The following SNX25 variants were observed in gnomAD, a reference collection of about 807,000 sequenced individuals.
SNX25 encodes sorting nexin-25.
In SNX25, 62 loss-of-function variants were observed where a neutral mutation model predicts 113.7. That is an observed-to-expected ratio of 0.55 (90% CI 0.44 to 0.67). The LOEUF (loss-of-function observed/expected upper bound fraction) is 0.67. Among genes scored for constraint, SNX25 ranks in the 30% least tolerant of loss-of-function variants. The pLI, the probability that SNX25 is intolerant of heterozygous loss-of-function variation, is 0.00. For synonymous variants in SNX25, 421 were observed against 436.2 expected, an observed-to-expected ratio of 0.97 and a Z score of 0.43; for missense variants, 1,014 against 1,161.0, an observed-to-expected ratio of 0.87 and a Z score of 1.84.
intron 14 of SNX25, among the ~76,000 whole-genome samples, chr4:185,352,057 C>T (rs2095318180): frequency 2.0e-5 from 3 of 152,120 alleles, no homozygotes; most frequent in Admixed American, 6.5e-5. Flanking sequence ...AAGGTTCACG[C>T]CAGGCTGAGA....
At chr4:185,377,016 A>G in the SNX25 span, 12 of 1,604,448 alleles carry the variant, frequency 7.5e-6, no homozygotes, top group Non-Finnish European at 7.7e-6. Context: ...GCATGGGTGT[A>G]ATCTGATTTT....
intron 6 of SNX25, among the ~76,000 whole-genome samples, chr4:185,298,288 C>A (rs1753130661): frequency 1.3e-5 from 2 of 151,910 alleles, no homozygotes; most frequent in Non-Finnish European, 2.9e-5. Flanking sequence ...GAGGTTTTGC[C>A]ATGTTGGCCA....
At chr4:185,373,440 T>G (rs1221734684), downstream of SNX25, among the ~76,000 whole-genome samples, 1 of 152,160 alleles carries the variant, frequency 6.6e-6, no homozygotes, top group Non-Finnish European at 1.5e-5. Flanking sequence ...GGGAAACCAC[T>G]GATGCTAAGG....
intron 6 of SNX25, among the ~76,000 whole-genome samples, chr4:185,307,021 C>T (rs556036442): frequency 1.3e-5 from 2 of 152,302 alleles, no homozygotes; most frequent in African/African-American, 2.4e-5. Flanking sequence ...TCTGATAATA[C>T]CTGACAGATC....
downstream of SNX25, among the ~76,000 whole-genome samples, chr4:185,371,358 T>C (rs28637604): frequency 0.15 from 22,291 of 151,664 alleles, 1,832 homozygotes; most frequent in African/African-American, 0.22. Flanking sequence ...GCTAACATGG[T>C]GAAACCCCGT....
intron 7 of SNX25, among the ~76,000 whole-genome samples, chr4:185,317,026 C>T (rs1007888520): frequency 9.2e-5 from 14 of 152,088 alleles, no homozygotes; most frequent in South Asian, 2.1e-4. Flanking sequence ...TAGAAAATGC[C>T]TTCCCTGGCA....
chr4:185,330,457 C>T (rs994987370), intron 9 of SNX25, among the ~76,000 whole-genome samples: 5 of 152,138 alleles, frequency 3.3e-5, no homozygotes, highest in East Asian at 3.9e-4. Flanking sequence ...TTTAAAATGG[C>T]GGTGCTTGTC....
At chr4:185,253,756 A>ACCATG (rs1178065228) in intron 2 of SNX25, among the ~76,000 whole-genome samples, 1 of 152,238 alleles carries the variant, frequency 6.6e-6, no homozygotes, top group Non-Finnish European at 1.5e-5. Context: ...GGCGTGAGCC[A>ACCATG]CCATGCCCAG....
intron 1 of SNX25, among the ~76,000 whole-genome samples, chr4:185,211,511 A>T (rs927564953): frequency 6.6e-6 from 1 of 152,130 alleles, no homozygotes; most frequent in African/African-American, 2.4e-5. Context: ...AGATTTTACT[A>T]GTTTGTTTGT....
chr4:185,357,349 T>C (rs533982120), intron 15 of SNX25, among the ~76,000 whole-genome samples: 1 of 152,280 alleles, frequency 6.6e-6, no homozygotes, highest in South Asian at 2.1e-4. Flanking sequence ...GGAATTACAC[T>C]GTGTGGTGGT....
chr4:185,271,630 T>C (rs1383890641), intron 5 of SNX25, among the ~76,000 whole-genome samples: 1 of 152,260 alleles, frequency 6.6e-6, no homozygotes, highest in Non-Finnish European at 1.5e-5. Context: ...TCTGACTTTA[T>C]TGGTGTTTTA....
intron 2 of SNX25, among the ~76,000 whole-genome samples, chr4:185,247,831 G>A (rs565489465): frequency 1.3e-5 from 2 of 152,150 alleles, no homozygotes; most frequent in African/African-American, 2.4e-5. Context: ...GCAGAAGCAG[G>A]GTGGTGGAAG....
Position 185,223,204 on chromosome 4 carries a change from T to G in SNX25, c.429+12949T>G, listed in dbSNP as rs147627411. On this transcript the variant is annotated intron_variant, in intron 1 of 18. Coordinates refer to ENST00000652585, the MANE Select transcript of SNX25 (RefSeq NM_001378034.2). ...CTTGACTTTATAGGAATCACTTCCTTGCATGTCATTATAGTTTTATCGCTC... is the reference window on the plus strand; with the variant it reads ...CTTGACTTTATAGGAATCACTTCCTGGCATGTCATTATAGTTTTATCGCTC... Among the ~76,000 whole-genome samples, 367 of 152,326 alleles carry G rather than the reference T, an allele frequency of 2.4e-3. 2 individuals carry two copies. Among genetic ancestry groups the G allele is most frequent in the African/African-American group, 8.4e-3 (348 of 41,572 alleles).
At chr4:185,370,875 C>T (rs1237013225), downstream of SNX25, 21 of 1,553,204 alleles carry the variant, frequency 1.4e-5, no homozygotes, top group Middle Eastern at 1.7e-4. Flanking sequence ...GTTTGTAAAA[C>T]GATGCGCCTA....
intron 7 of SNX25, among the ~76,000 whole-genome samples, chr4:185,312,686 C>T (rs997163231): frequency 6.6e-6 from 1 of 152,080 alleles, no homozygotes; most frequent in Non-Finnish European, 1.5e-5. Flanking sequence ...CCACACCCAG[C>T]TAAATTTTTT....
intron 1 of SNX25, among the ~76,000 whole-genome samples, chr4:185,246,761 TTTTAGAGAAG>T (rs1203354771): frequency 6.6e-6 from 1 of 152,222 alleles, no homozygotes; most frequent in Non-Finnish European, 1.5e-5. Context: ...TTGTGTTTTA[TTTTAGAGAAG>T]CCTTTTCCAT....
intron 7 of SNX25, among the ~76,000 whole-genome samples, chr4:185,317,348 T>C (rs573898876): frequency 2.0e-5 from 3 of 152,306 alleles, no homozygotes; most frequent in Admixed American, 2.0e-4. Context: ...TGTGGAGAAA[T>C]AGTAATGCTT....
intron 7 of SNX25, among the ~76,000 whole-genome samples, chr4:185,317,125 A>G (rs1251621767): frequency 6.6e-6 from 1 of 152,226 alleles, no homozygotes; most frequent in Non-Finnish European, 1.5e-5. Context: ...ACAAATTTAC[A>G]AGAAAAAAAC....
downstream of SNX25, chr4:185,367,072 C>A: frequency 1.0e-6 from 1 of 971,532 alleles, no homozygotes; most frequent in Non-Finnish European, 1.6e-6. Flanking sequence ...GTAAAATACC[C>A]AGGATAGTGT....
Sources: allele counts gnomAD v4.1 joint callset (sites outside exome capture counted in the v4.1 genomes callset), GRCh38; gene constraint gnomAD v4.1.1; transcripts MANE v1.5; gene names NCBI Gene and HGNC (gene_info 2026-07-23, HGNC 2026-07-21).